Variants in PDE8A observed in about 807,000 individuals in gnomAD.
PDE8A encodes the protein high affinity cAMP-specific and IBMX-insensitive 3',5'-cyclic phosphodiesterase 8A.
In PDE8A, 59 loss-of-function variants were observed where a neutral mutation model predicts 105.0. The ratio of observed to expected loss-of-function variants is 0.56; its 90% CI spans 0.46 to 0.70. The LOEUF (loss-of-function observed/expected upper bound fraction) is 0.70, where lower values mean the gene tolerates loss of function less well. Among genes scored for constraint, PDE8A ranks in the 30% least tolerant of loss-of-function variants. The pLI is 0.00. For synonymous variants in PDE8A, 355 were observed against 371.9 expected (o/e 0.95, Z 0.52); for missense variants, 1,014 against 1,045.9 (o/e 0.97, Z 0.42).
At chr15:85,097,413 G>A (rs899447074) in intron 8 of PDE8A, among the ~76,000 whole-genome samples, 8 of 152,100 alleles carry the variant, frequency 5.3e-5, no homozygotes, top group Admixed American at 1.3e-4. Flanking sequence ...AGGTCTCGTC[G>A]TTTGTTTTAC....
rs776845833 is a variant in PDE8A, at chr15:85,114,010, C to T, written c.1323C>T (p.Ala441=). 3.1e-6 allele frequency: 5 copies of T among 1,613,674 alleles called. No homozygotes were observed. The African/African-American group carries it at 4.0e-5, about 13-fold the overall frequency. Residue 441 remains alanine, a synonymous_variant, in exon 14 of 22, where the codon GCC becomes GCT. Coordinates refer to ENST00000394553, the MANE Select transcript of PDE8A (RefSeq NM_002605.3). ...QFGAKDDDPH[A]NDLVGGLMSD... is the part of the protein sequence containing the mutation. ...GTGCTAAAGATGATGATCCCCATGC[C>T]AATGACCTTGTTGGGGGCTTAATGT...
chr15:85,083,733 G>A, intron 6 of PDE8A, 89 bp downstream of exon 6: 1 of 797,992 alleles, frequency 1.3e-6, no homozygotes, highest in Non-Finnish European at 2.2e-6. Flanking sequence ...CTTTTGAAAT[G>A]GCCTCTTGCA....
chr15:85,015,640 AGTTATCATTTTACTTCTCATATCGTGATT>A (rs1199116948), intron 1 of PDE8A, among the ~76,000 whole-genome samples: 2 of 152,160 alleles, frequency 1.3e-5, no homozygotes, highest in African/African-American at 4.8e-5. Flanking sequence ...TATGGTTTTT[AGTTATCATTTTACTTCTCATATCGTGATT>A]GAGATTGAGC....
intron 1 of PDE8A, among the ~76,000 whole-genome samples, chr15:84,992,996 A>G (rs1191190969): frequency 6.6e-6 from 1 of 152,210 alleles, no homozygotes; most frequent in African/African-American, 2.4e-5. Flanking sequence ...TCACTGTAAT[A>G]GCATAAGGGA....
chr15:85,109,037 T>C lies in PDE8A; in HGVS notation c.1037-16T>C, dbSNP rs941695079. 1.3e-6 allele frequency: 2 copies of C among 1,561,398 alleles called. No individual in the cohort carries two copies. Among genetic ancestry groups the C allele is most frequent in the Non-Finnish European group, 1.8e-6 (2 of 1,134,888 alleles). Reference sequence around the variant, plus strand: ...TAAATATCTTTGAAGAGGTGATTTATCATTTGTTTCTACAGATAATCAGAC... The same window carrying C: ...TAAATATCTTTGAAGAGGTGATTTACCATTTGTTTCTACAGATAATCAGAC... On this transcript the variant is annotated splice_polypyrimidine_tract_variant and intron_variant, in intron 11 of 21. Transcript: ENST00000394553.
chr15:85,118,697 A>C (rs968831191), intron 17 of PDE8A, among the ~76,000 whole-genome samples: 1 of 152,196 alleles, frequency 6.6e-6, no homozygotes, highest in Non-Finnish European at 1.5e-5. Context: ...GGCCATGCCA[A>C]ACCACTTTAG....
At position 85,086,977 on chromosome 15, in the gene PDE8A, C is replaced by T. The variant is rs1182337204; in HGVS notation, c.636-2361C>T. ...CGGGGTTTCACCATTTTGGTCAGGC[C>T]GGTCTCAAACTCTGACTAGTGCTAG... On this transcript the variant is annotated intron_variant, in intron 6 of 21. Coordinates refer to ENST00000394553, the MANE Select transcript of PDE8A (RefSeq NM_002605.3). Among the ~76,000 whole-genome samples, 14 of 150,512 alleles carry T rather than the reference C, an allele frequency of 9.3e-5. No individual in the cohort carries two copies. In the East Asian group the frequency reaches 9.7e-4, roughly 10 times the overall value.
At chr15:84,990,771 A>T (rs2079874108) in intron 1 of PDE8A, among the ~76,000 whole-genome samples, 1 of 152,206 alleles carries the variant, frequency 6.6e-6, no homozygotes, top group Non-Finnish European at 1.5e-5. Context: ...GGGTCATAGG[A>T]TAGGTATATG....
chr15:84,987,981 G>A (rs2079830645), intron 1 of PDE8A, among the ~76,000 whole-genome samples: 1 of 152,204 alleles, frequency 6.6e-6, no homozygotes, highest in South Asian at 2.1e-4. Context: ...TGAGGCAGTA[G>A]GAGGTGATGG....
Position 84,982,183 on chromosome 15 carries a change from C to T in PDE8A, c.21C>T (p.Ile7=). Residue 7 remains isoleucine (I), a synonymous_variant, in exon 1 of 22, where the codon ATC becomes ATT. Transcript: ENST00000394553. MGCAPS[I]HISERLVAED... ...CCAGCATGGGCTGTGCCCCGAGCATCCACATTTCCGAGCGCCTGGTGGCCG... is the reference window on the plus strand; with the variant it reads ...CCAGCATGGGCTGTGCCCCGAGCATTCACATTTCCGAGCGCCTGGTGGCCG... 6.7e-7 allele frequency: 1 copy of T among 1,483,522 alleles called. No individual in the cohort carries two copies. Among genetic ancestry groups the T allele is most frequent in the Non-Finnish European group, 8.9e-7 (1 of 1,126,734 alleles). The allele number at this position is 1,483,522 out of a possible 1,614,324, so 91.9% of individuals were successfully genotyped here.
chr15:85,023,295 C>T (rs151192773), intron 1 of PDE8A, among the ~76,000 whole-genome samples: 2 of 152,264 alleles, frequency 1.3e-5, no homozygotes, highest in East Asian at 3.9e-4. Flanking sequence ...GTGGTAGAGA[C>T]CATGAATTCT....
chr15:85,122,977 C>A, intron 18 of PDE8A, 84 bp from the exon 19 acceptor site: 2 of 1,394,874 alleles, frequency 1.4e-6, no homozygotes, highest in Non-Finnish European at 2.0e-6. Flanking sequence ...AGGACACATA[C>A]CTGGATAACA....
At chr15:85,017,122 G>A (rs1319273360) in intron 1 of PDE8A, among the ~76,000 whole-genome samples, 21 of 151,548 alleles carry the variant, frequency 1.4e-4, no homozygotes, top group Non-Finnish European at 2.4e-4. Context: ...TTAGCCGGGC[G>A]CGGTGGCGGG....
chr15:84,982,437 C>T, intron 1 of PDE8A, 89 bp downstream of exon 1: 1 of 808,930 alleles, frequency 1.2e-6, no homozygotes, highest in Non-Finnish European at 1.7e-6. Flanking sequence ...GGGGTCCCCC[C>T]CACCCGGCCT....
intron 1 of PDE8A, among the ~76,000 whole-genome samples, chr15:85,059,726 A>G (rs57003909): frequency 0.089 from 13,490 of 152,184 alleles, 1,660 homozygotes; most frequent in African/African-American, 0.28. Flanking sequence ...TGAATGTCTT[A>G]TAGACCACAT....
chr15:85,056,289 G>T (rs1360335300), intron 1 of PDE8A, among the ~76,000 whole-genome samples: 2 of 152,046 alleles, frequency 1.3e-5, no homozygotes, highest in Non-Finnish European at 2.9e-5. Flanking sequence ...TACGTGTCTT[G>T]GAGTTGCTCT....
At chr15:84,981,029 C>A (rs537493506), upstream of PDE8A, among the ~76,000 whole-genome samples, 1 of 152,216 alleles carries the variant, frequency 6.6e-6, no homozygotes, top group African/African-American at 2.4e-5. Context: ...TTCACTACCC[C>A]CAAAGGAGGT....
At chr15:84,981,810 C>A (rs1215509605), upstream of PDE8A, among the ~76,000 whole-genome samples, 3 of 151,178 alleles carry the variant, frequency 2.0e-5, no homozygotes, top group Non-Finnish European at 4.4e-5. Context: ...TCAGCCGCTC[C>A]TGGGTAAGGA....
rs552290798 is a variant in PDE8A, at chr15:85,068,632, G to A, written c.434+1428G>A. On this transcript the variant is annotated intron_variant, in intron 3 of 21. Coordinates refer to ENST00000394553, the MANE Select transcript of PDE8A (RefSeq NM_002605.3). ...ATGATATCTAAATTACATGGTGCTT[G>A]GTAGTCATGGTGGAATGTTGCAAGG... 1.2e-4 allele frequency among the ~76,000 whole-genome samples: 18 copies of A among 149,182 alleles called. No individual in the cohort carries two copies. The South Asian group carries it at 3.7e-3, about 31-fold the overall frequency.
Sources: gnomAD v4.1 joint callset for allele counts (sites outside exome capture counted in the v4.1 genomes callset) on GRCh38, gnomAD v4.1.1 for gene constraint, MANE v1.5 for transcripts, NCBI Gene and HGNC (gene_info 2026-07-23, HGNC 2026-07-21) for gene names.